ART1: variants seen among roughly 807,000 people sequenced by gnomAD.
ART1 encodes the protein GPI-linked NAD(P)(+)--arginine ADP-ribosyltransferase 1.
A neutral mutation model predicts 27.0 loss-of-function variants in ART1; 29 were observed. That is an observed-to-expected ratio of 1.08 (90% CI 0.80 to 1.47). ART1 has a LOEUF of 1.47. ART1 is among the 40% of genes most tolerant of loss of function. The pLI, the probability that ART1 is intolerant of heterozygous loss-of-function variation, is 0.00. For synonymous variants in ART1, 201 were observed against 172.2 expected (o/e 1.17, Z -1.31); for missense variants, 480 against 423.0 (o/e 1.13, Z -1.18).
At chr11:3,657,873 G>C (rs1484771685) in intron 1 of ART1, among the ~76,000 whole-genome samples, 1 of 152,090 alleles carries the variant, frequency 6.6e-6, no homozygotes, top group African/African-American at 2.4e-5. Context: ...GTGTTCATAA[G>C]TATGAAATGG....
At chr11:3,650,732 C>T (rs535433943) in intron 1 of ART1, among the ~76,000 whole-genome samples, 20 of 151,992 alleles carry the variant, frequency 1.3e-4, no homozygotes, top group East Asian at 3.9e-4. Flanking sequence ...ATCTGCTTCC[C>T]TGACTATTCC....
rs1181081356 is a variant in ART1 at position 3,649,695 on chromosome 11, C to T, written c.-53+4516C>T. On this transcript the variant is annotated intron_variant, in intron 1 of 4. Transcript: ENST00000250693. Reference sequence around the variant, plus strand: ...CCCGGTCTGGTTTACCATTTCATTTCATGACTAGCCCTCCCCAACCTGCCC... The same window carrying T: ...CCCGGTCTGGTTTACCATTTCATTTTATGACTAGCCCTCCCCAACCTGCCC... Among the ~76,000 whole-genome samples the T allele has an allele frequency of 2.6e-4, 40 of 151,798 alleles. No individual in the cohort carries two copies. The East Asian group carries it at 6.3e-3, about 24-fold the overall frequency.
At position 3,660,186 on chromosome 11, in the gene ART1, A is replaced by ACCTGC; in HGVS notation, c.669_673dup (p.Leu225ProfsTer20). On this transcript the variant is annotated frameshift_variant, in exon 3 of 5. Transcript: ENST00000250693. LOFTEE classifies it high-confidence loss of function. ...TGAGGACACCTTCTTCGGCATCTGG[A>ACCTGC]CCTGCCTTGGGGCCCCTATCAAGGG... is the stretch of plus-strand genomic sequence containing the variant. The ACCTGC allele has an allele frequency of 6.2e-7, 1 of 1,613,992 alleles. No homozygotes were observed. Among genetic ancestry groups the ACCTGC allele is most frequent in the Non-Finnish European group, 8.5e-7 (1 of 1,180,038 alleles).
chr11:3,656,386 A>ATTTATTTATTTT (rs1457443890), intron 1 of ART1, among the ~76,000 whole-genome samples: 9 of 141,432 alleles, frequency 6.4e-5, no homozygotes, highest in African/African-American at 2.3e-4. Flanking sequence ...TTATTTATTT[A>ATTTATTTATTTT]TTTTTTAAAT....
At chr11:3,657,729 A>T (rs2077585627) in intron 1 of ART1, among the ~76,000 whole-genome samples, 1 of 152,236 alleles carries the variant, frequency 6.6e-6, no homozygotes, top group Non-Finnish European at 1.5e-5. Flanking sequence ...AAAAATATTC[A>T]TATTCTTTAA....
chr11:3,648,649 C>A (rs1358872765), intron 1 of ART1, among the ~76,000 whole-genome samples: 1 of 152,200 alleles, frequency 6.6e-6, no homozygotes, highest in Non-Finnish European at 1.5e-5. Context: ...ACTGGGAAGG[C>A]AGCCTTCCCT....
At chr11:3,662,288 T>C (rs1256041646) in intron 4 of ART1, among the ~76,000 whole-genome samples, 1 of 152,184 alleles carries the variant, frequency 6.6e-6, no homozygotes, top group Non-Finnish European at 1.5e-5. Context: ...CTATGACTCT[T>C]CTCTTCCCTC....
chr11:3,657,807 C>A (rs1293258839), intron 1 of ART1, among the ~76,000 whole-genome samples: 1 of 151,930 alleles, frequency 6.6e-6, no homozygotes, highest in Non-Finnish European at 1.5e-5. Flanking sequence ...ATTTATATAC[C>A]TAAATATTCA....
rs750254462 is a variant in ART1 at position 3,659,254 on chromosome 11, T to A, written c.41T>A (p.Val14Glu). ...PAMMSLLLVS[V>E]GLMEALQAQS... ...ATGATGTCTCTGCTTCTTGTGTCTGTGGGCCTCATGGAAGCACTTCAGGTA... is the reference window on the plus strand; with the variant it reads ...ATGATGTCTCTGCTTCTTGTGTCTGAGGGCCTCATGGAAGCACTTCAGGTA... Residue 14 changes from valine to glutamate, a missense_variant, in exon 2 of 5, where the codon GTG becomes GAG. By Grantham distance (121) the Val-to-Glu change is moderately radical (BLOSUM62 -2). Coordinates refer to ENST00000250693, the MANE Select transcript of ART1 (RefSeq NM_004314.3). 6.2e-7 allele frequency: 1 copy of A among 1,614,210 alleles called. No individual in the cohort carries two copies. Among genetic ancestry groups the A allele is most frequent in the South Asian group, 1.1e-5 (1 of 91,084 alleles).
intron 1 of ART1, among the ~76,000 whole-genome samples, chr11:3,647,854 T>G (rs528328904): frequency 6.7e-6 from 1 of 149,260 alleles, no homozygotes; most frequent in Admixed American, 6.7e-5. Context: ...AAAGTAAAGT[T>G]GCACAGGGCT....
chr11:3,660,661 G>A (rs2077613803), intron 3 of ART1, among the ~76,000 whole-genome samples: 1 of 152,168 alleles, frequency 6.6e-6, no homozygotes, highest in Non-Finnish European at 1.5e-5. Flanking sequence ...GACCCGGTCG[G>A]GCTTTTCTCC....
intron 1 of ART1, among the ~76,000 whole-genome samples, chr11:3,653,818 C>A (rs558013059): frequency 1.4e-5 from 2 of 141,066 alleles, no homozygotes; most frequent in South Asian, 2.5e-4. Context: ...GCCATTCTCC[C>A]ATCAGACATC....
intron 1 of ART1, among the ~76,000 whole-genome samples, chr11:3,656,937 A>T (rs1354833425): frequency 2.6e-5 from 4 of 152,200 alleles, no homozygotes; most frequent in Non-Finnish European, 2.9e-5. Flanking sequence ...TTTGGTAAAA[A>T]CTACTGCTAA....
chr11:3,647,471 A>T (rs1242345717), intron 1 of ART1, among the ~76,000 whole-genome samples: 2 of 151,978 alleles, frequency 1.3e-5, no homozygotes, highest in Non-Finnish European at 2.9e-5. Context: ...CCCCTTCTCA[A>T]CTAAATACAA....
At chr11:3,662,775 C>T (rs983970766) in intron 4 of ART1, among the ~76,000 whole-genome samples, 2 of 152,268 alleles carry the variant, frequency 1.3e-5, no homozygotes, top group South Asian at 2.1e-4. Flanking sequence ...ACCTGGGAGG[C>T]GGAGGTTGCT....
intron 4 of ART1, among the ~76,000 whole-genome samples, chr11:3,662,447 G>T (rs1487870469): frequency 6.6e-6 from 1 of 152,128 alleles, no homozygotes; most frequent in Non-Finnish European, 1.5e-5. Flanking sequence ...GGACCCCCCA[G>T]CTTCCTCTGA....
intron 1 of ART1, among the ~76,000 whole-genome samples, chr11:3,647,171 A>G (rs931794040): frequency 1.6e-4 from 24 of 152,038 alleles, no homozygotes; most frequent in Middle Eastern, 3.2e-3. Flanking sequence ...TAAAAATATA[A>G]AATTAGCCAG....
In ART1 at chr11:3,661,226, G is replaced by T. The variant is rs1589925732; in HGVS notation, c.845-146G>T. The T allele has an allele frequency of 1.1e-5, 7 of 665,076 alleles. No homozygotes were observed. In the East Asian group the frequency reaches 2.1e-4, roughly 20 times the overall value. The allele number at this position is 665,076 out of a possible 1,614,324, so 41.2% of individuals were successfully genotyped here. The stretch of plus-strand genomic sequence containing the variant: ...TGGGTCGAGGCAAACCTAGTCAAGG[G>T]AGGTTCCACCATGAAAGAGCAGAAT... On this transcript the variant is annotated intron_variant, in intron 3 of 4. Transcript: ENST00000250693.
At chr11:3,655,212 A>G (rs1197745482) in intron 1 of ART1, among the ~76,000 whole-genome samples, 1 of 152,236 alleles carries the variant, frequency 6.6e-6, no homozygotes, top group Non-Finnish European at 1.5e-5. Context: ...AATCTTCCAA[A>G]GAAAAGACTC....
Sources: allele counts gnomAD v4.1 joint callset (sites outside exome capture counted in the v4.1 genomes callset), GRCh38; gene constraint gnomAD v4.1.1; transcripts MANE v1.5; gene names NCBI Gene and HGNC (gene_info 2026-07-23, HGNC 2026-07-21).